The following ZFP69 variants were observed in gnomAD, a reference collection of about 807,000 sequenced individuals.
The protein encoded by ZFP69 is ZFP69 zinc finger protein.
Under a neutral mutation model 48.9 loss-of-function variants are expected in ZFP69, and 35 were observed. That is an observed-to-expected ratio of 0.72 (90% CI 0.55 to 0.95). ZFP69 has a LOEUF of 0.95. ZFP69 is among the 40% of genes least tolerant of loss of function. The probability of loss-of-function intolerance (pLI) is 0.00; values close to 1 mark genes in which losing one functional copy is unlikely to be tolerated. For missense variants in ZFP69, 557 were observed against 638.4 expected, an observed-to-expected ratio of 0.87 and a Z score of 1.37; for synonymous variants, 193 against 216.8, an observed-to-expected ratio of 0.89 and a Z score of 0.96.
rs1273396710 is a variant in ZFP69 at position 40,479,260 on chromosome 1, G to T, written c.-102G>T. ...GGACACACCAGAGTCCTGAGGGCAG[G>T]TGATTGGAATCTGAGCAACACCCCA... On this transcript the variant is annotated 5_prime_UTR_variant, in exon 2 of 6. Coordinates refer to ENST00000372706, the MANE Select transcript of ZFP69 (RefSeq NM_001320179.2). 42 of 1,533,848 alleles carry T rather than the reference G, an allele frequency of 2.7e-5. No individual in the cohort carries two copies. Among genetic ancestry groups the T allele is most frequent in the Non-Finnish European group, 3.5e-5 (39 of 1,117,524 alleles).
In ZFP69 at chr1:40,484,986, AG is replaced by A. The variant is rs552998216; in HGVS notation, c.219+3134del. On this transcript the variant is annotated intron_variant, in intron 3 of 5. Coordinates refer to ENST00000372706, the MANE Select transcript of ZFP69 (RefSeq NM_001320179.2). ...CGGCTCACTGCAACCTCTGCCTTCC[AG>A]GTTCAAGCGATTCTCCTGCCTCAGC... Among the ~76,000 whole-genome samples, 6 of 134,916 alleles carry A rather than the reference AG, an allele frequency of 4.4e-5. No homozygotes were observed. The South Asian group carries it at 1.4e-3, about 32-fold the overall frequency. 88.5% of individuals were successfully genotyped at this position (134,916 alleles called of 152,430 possible). A position where few individuals can be genotyped will look rare whatever the true frequency, so the allele number is the denominator to read the frequency against.
chr1:40,482,072 G>A (rs1240201049), intron 3 of ZFP69, among the ~76,000 whole-genome samples: 1 of 150,758 alleles, frequency 6.6e-6, no homozygotes. Context: ...TGTCACTCTT[G>A]TTTCTCACCA....
chr1:40,495,253 A>G lies in ZFP69; in HGVS notation c.775A>G (p.Ile259Val), dbSNP rs776781729. ...GCGGAACACATACAAATTAGATTTG[A>G]TTAATCATCCAACAAGTTACATAAG... ...TKRNTYKLDL[I>V]NHPTSYIRTK... The change falls in exon 6 of 6, where the codon ATT becomes GTT. Residue 259 changes from isoleucine to valine, a missense_variant. Ile to Val is a conservative substitution (Grantham distance 29, BLOSUM62 3). Transcript: ENST00000372706. 17 of 1,613,976 alleles carry G rather than the reference A, an allele frequency of 1.1e-5. No individual in the cohort carries two copies. Among genetic ancestry groups the G allele is most frequent in the Non-Finnish European group, 1.4e-5 (16 of 1,180,026 alleles).
Position 40,477,470 on chromosome 1 carries a change from T to C in ZFP69, c.-751T>C, listed in dbSNP as rs998788818. 2 of 152,124 alleles carry C rather than the reference T, an allele frequency of 1.3e-5. No individual in the cohort carries two copies. The highest frequency in any genetic ancestry group is 4.8e-5 in the African/African-American group (2 of 41,420). 9.4% of individuals were successfully genotyped at this position (152,124 alleles called of 1,614,324 possible). On this transcript the variant is annotated 5_prime_UTR_variant, in exon 1 of 6. Transcript: ENST00000372706. This position sits in a 1 kb window ranked among gnomAD's most constrained non-coding sequence, Gnocchi z 4.0. ...CCTAAGAGGCCAGGCTGGGTGGGCT[T>C]GGCTGCAGCCGCCAGCCCCGTGTTA...
At position 40,494,255 on chromosome 1, in the gene ZFP69, A is replaced by ATTTTTTTTTTTTTTTTTT. The variant is rs1645598717; in HGVS notation, c.443-666_443-665insTTTTTTTTTTTTTTTTTT. Among the ~76,000 whole-genome samples the ATTTTTTTTTTTTTTTTTT allele has an allele frequency of 1.6e-5, 2 of 123,856 alleles. 1 individual carries two copies. The highest frequency in any genetic ancestry group is 6.3e-5 in the African/African-American group (2 of 31,550). 81.3% of individuals were successfully genotyped at this position (123,856 alleles called of 152,430 possible). On this transcript the variant is annotated intron_variant, in intron 5 of 5. Transcript: ENST00000372706. ...ATTAGAGCAGGACTAAAAGATTCAA[A>ATTTTTTTTTTTTTTTTTT]ATTTTTTTTTTTTTTTTTTTTTTTT...
rs766615061 is a variant in ZFP69, at chr1:40,479,357, G to A, written c.-5G>A. 5.6e-6 allele frequency: 9 copies of A among 1,613,268 alleles called. No individual in the cohort carries two copies. The African/African-American group carries it at 1.1e-4, about 19-fold the overall frequency. ...GAAGTGGACAAGTCCAGTAAGGCAG[G>A]CATCATGCCACAGCAGCTCCTGATC... is the stretch of plus-strand genomic sequence containing the variant. On this transcript the variant is annotated 5_prime_UTR_variant, in exon 2 of 6. Transcript: ENST00000372706.
intron 5 of ZFP69, chr1:40,490,928 C>A (rs1645561425): frequency 6.6e-6 from 1 of 152,194 alleles, no homozygotes; most frequent in South Asian, 2.1e-4. Context: ...TAACACATTT[C>A]TGTGTAGCTT....
intron 5 of ZFP69, among the ~76,000 whole-genome samples, chr1:40,491,928 C>T (rs1290925067): frequency 3.3e-5 from 5 of 151,948 alleles, no homozygotes; most frequent in African/African-American, 7.3e-5. Flanking sequence ...TTTTGTTAGA[C>T]GTGAGTTTCT....
chr1:40,491,771 G>A (rs941498951), intron 5 of ZFP69, among the ~76,000 whole-genome samples: 4 of 151,096 alleles, frequency 2.6e-5, no homozygotes, highest in Non-Finnish European at 4.4e-5. Flanking sequence ...GTATGTGTGT[G>A]TGTGTGTGTG....
intron 5 of ZFP69, among the ~76,000 whole-genome samples, chr1:40,494,676 A>C (rs1467200146): frequency 6.8e-6 from 1 of 146,512 alleles, no homozygotes; most frequent in Non-Finnish European, 1.5e-5. Flanking sequence ...TATATTTATA[A>C]ATATTTGGTA....
Position 40,495,134 on chromosome 1 carries a change from G to A in ZFP69, c.656G>A (p.Arg219Lys), listed in dbSNP as rs138445280. The change falls in exon 6 of 6, where the codon AGA becomes AAA. Residue 219 changes from arginine (R) to lysine (K), a missense_variant. Arg to Lys is a conservative substitution (Grantham distance 26). Transcript: ENST00000372706. ...VRQAILTHKK[R>K]VQETNKFGEN... ...CAAGCCATCTTGACCCATAAGAAGA[G>A]AGTCCAAGAAACTAACAAATTTGGG... 1 of 1,613,920 alleles carries A rather than the reference G, an allele frequency of 6.2e-7. No homozygotes were observed. Among genetic ancestry groups the A allele is most frequent in the African/African-American group, 1.3e-5 (1 of 74,888 alleles).
chr1:40,483,979 G>A (rs1448575539), intron 3 of ZFP69, among the ~76,000 whole-genome samples: 1 of 152,128 alleles, frequency 6.6e-6, no homozygotes, highest in Non-Finnish European at 1.5e-5. Context: ...TGGCGGCTGA[G>A]GCAGGAGAAT....
At chr1:40,484,084 T>A (rs982550799) in intron 3 of ZFP69, among the ~76,000 whole-genome samples, 28 of 152,164 alleles carry the variant, frequency 1.8e-4, no homozygotes, top group African/African-American at 4.6e-4. Context: ...TCAAAAAAAA[T>A]AAATAAATAA....
At position 40,479,282 on chromosome 1, in the gene ZFP69, C is replaced by T. The variant is rs1285682887; in HGVS notation, c.-80C>T. ...CAGGTGATTGGAATCTGAGCAACAC[C>T]CCACAACTGTGAAGCGTCTCATCAA... On this transcript the variant is annotated 5_prime_UTR_variant, in exon 2 of 6. Coordinates refer to ENST00000372706, the MANE Select transcript of ZFP69 (RefSeq NM_001320179.2). 1.6e-5 allele frequency: 26 copies of T among 1,594,588 alleles called. No homozygotes were observed. The highest frequency in any genetic ancestry group is 2.2e-5 in the Non-Finnish European group (26 of 1,168,036).
intron 2 of ZFP69, among the ~76,000 whole-genome samples, chr1:40,480,032 T>G (rs1645427999): frequency 6.6e-6 from 1 of 152,076 alleles, no homozygotes; most frequent in Non-Finnish European, 1.5e-5. Context: ...ATGTGTCTCA[T>G]GTGGTGTTTT....
intron 3 of ZFP69, among the ~76,000 whole-genome samples, chr1:40,488,239 C>G (rs1021415947): frequency 2.6e-5 from 4 of 152,102 alleles, no homozygotes; most frequent in Admixed American, 1.3e-4. Context: ...CCTTTCGTCT[C>G]TCTGGTGGTT....
At chr1:40,490,544 T>C (rs138286577) in intron 5 of ZFP69, among the ~76,000 whole-genome samples, 1 of 152,274 alleles carries the variant, frequency 6.6e-6, no homozygotes, top group South Asian at 2.1e-4. Context: ...TCATTAAGGT[T>C]GAGCTGGATT....
At chr1:40,494,493 C>T (rs928173480) in intron 5 of ZFP69, among the ~76,000 whole-genome samples, 2 of 146,086 alleles carry the variant, frequency 1.4e-5, no homozygotes, top group African/African-American at 4.9e-5. Context: ...TGGTCTCGAT[C>T]TCCTGACCTC....
At position 40,492,664 on chromosome 1, in the gene ZFP69, T is replaced by C. The variant is rs147207577; in HGVS notation, c.443-2257T>C. Among the ~76,000 whole-genome samples the C allele has an allele frequency of 1.4e-3, 214 of 152,304 alleles. 1 individual carries two copies. The highest frequency in any genetic ancestry group is 4.8e-3 in the African/African-American group (198 of 41,564). Reference sequence around the variant, plus strand: ...CACAAATACTCTGCTGGCATTTTGATTGGAATAGAATTGAATTTCTAGATC... The same window carrying C: ...CACAAATACTCTGCTGGCATTTTGACTGGAATAGAATTGAATTTCTAGATC... On this transcript the variant is annotated intron_variant, in intron 5 of 5. Coordinates refer to ENST00000372706, the MANE Select transcript of ZFP69 (RefSeq NM_001320179.2).
Sources: gnomAD v4.1 joint callset for allele counts (sites outside exome capture counted in the v4.1 genomes callset) on GRCh38, gnomAD v4.1.1 for gene constraint, Gnocchi (gnomAD v3.1) non-coding constraint, MANE v1.5 for transcripts, NCBI Gene and HGNC (gene_info 2026-07-23, HGNC 2026-07-21) for gene names.